The following TMEFF2 variants were observed in gnomAD, a reference collection of about 807,000 sequenced individuals.
The protein encoded by TMEFF2 is transmembrane protein with EGF like and two follistatin like domains 2, also known as tomoregulin-2.
In TMEFF2, 28 loss-of-function variants were observed where a neutral mutation model predicts 53.8. The ratio of observed to expected loss-of-function variants is 0.52; its 90% CI spans 0.39 to 0.71. The LOEUF (loss-of-function observed/expected upper bound fraction) is 0.71. TMEFF2 is among the 30% of genes least tolerant of loss of function. TMEFF2 has a pLI of 0.00. For synonymous variants in TMEFF2, 162 were observed against 166.3 expected (o/e 0.97, Z 0.20); for missense variants, 353 against 455.2 (o/e 0.78, Z 2.04).
At chr2:192,075,482 C>T (rs1002065633) in intron 4 of TMEFF2, among the ~76,000 whole-genome samples, 10 of 150,970 alleles carry the variant, frequency 6.6e-5, no homozygotes, top group African/African-American at 2.2e-4. Flanking sequence ...ACTTCATTTT[C>T]GGTGGCTAAA....
intron 5 of TMEFF2, among the ~76,000 whole-genome samples, chr2:192,017,993 T>C (rs1440073971): frequency 6.7e-6 from 1 of 149,902 alleles, no homozygotes; most frequent in East Asian, 2.1e-4. Flanking sequence ...CTTTCACCTC[T>C]TTACCCTCAC....
In TMEFF2 at chr2:192,084,137, A is replaced by G. The variant is rs149801032; in HGVS notation, c.440-26362T>C. On this transcript the variant is annotated intron_variant, in intron 4 of 9. Coordinates refer to ENST00000272771, the MANE Select transcript of TMEFF2 (RefSeq NM_016192.4). ...CACAACTCATCGTGGTAGAGATGGT[A>G]TTTGCAAACAGGTCCATCGGAACCC... Among the ~76,000 whole-genome samples the G allele has an allele frequency of 6.1e-4, 93 of 152,244 alleles. 1 individual carries two copies. In the East Asian group the frequency reaches 0.016, roughly 26 times the overall value.
chr2:192,152,530 A>G (rs1021851610), intron 4 of TMEFF2, among the ~76,000 whole-genome samples: 8 of 151,980 alleles, frequency 5.3e-5, no homozygotes, highest in African/African-American at 1.9e-4. Flanking sequence ...GCACAGTCAC[A>G]TTTATCAGAT....
intron 4 of TMEFF2, among the ~76,000 whole-genome samples, chr2:192,127,348 A>G (rs2105972724): frequency 6.6e-6 from 1 of 152,338 alleles, no homozygotes; most frequent in South Asian, 2.1e-4. Context: ...AGGCCACGTA[A>G]TTCATTGCTG....
At chr2:191,966,499 A>C (rs1001959310) in intron 7 of TMEFF2, among the ~76,000 whole-genome samples, 2 of 152,202 alleles carry the variant, frequency 1.3e-5, no homozygotes, top group Non-Finnish European at 2.9e-5. Flanking sequence ...TCATACCTCA[A>C]AAATCACAGT....
rs1179138546 is a variant in TMEFF2 at position 192,194,680 on chromosome 2, G to T, written c.-156C>A. The T allele has an allele frequency of 8.2e-6, 6 of 734,064 alleles. No individual in the cohort carries two copies. Among genetic ancestry groups the T allele is most frequent in the South Asian group, 6.9e-5 (4 of 57,772 alleles). 45.5% of individuals were successfully genotyped at this position (734,064 alleles called of 1,614,324 possible). The stretch of plus-strand genomic sequence containing the variant: ...GCGGGGAAGCAGCAGCCAAACCCGC[G>T]CATGATCTCGAGAGTTTCAGCAACA... On this transcript the variant is annotated 5_prime_UTR_variant, in exon 1 of 10. It introduces an in-frame stop codon into an upstream open reading frame of the 5' UTR. Coordinates refer to ENST00000272771, the MANE Select transcript of TMEFF2 (RefSeq NM_016192.4). This position sits in a 1 kb window ranked among gnomAD's most constrained non-coding sequence, Gnocchi z 4.2.
chr2:192,087,324 C>A (rs937045744), intron 4 of TMEFF2, among the ~76,000 whole-genome samples: 4 of 151,858 alleles, frequency 2.6e-5, no homozygotes, highest in Non-Finnish European at 5.9e-5. Context: ...GCCAGGGTTG[C>A]GGAAATCATA....
intron 4 of TMEFF2, among the ~76,000 whole-genome samples, chr2:192,087,841 T>C (rs1688701013): frequency 6.6e-6 from 1 of 152,174 alleles, no homozygotes; most frequent in South Asian, 2.1e-4. Flanking sequence ...AAAACCATAA[T>C]ATTATATATT....
chr2:191,964,319 C>CTTT lies in TMEFF2; in HGVS notation c.746-7942_746-7941insAAA, dbSNP rs1559063235. 6.0e-5 allele frequency among the ~76,000 whole-genome samples: 8 copies of CTTT among 133,810 alleles called. 1 individual carries two copies. Among genetic ancestry groups the CTTT allele is most frequent in the African/African-American group, 1.5e-4 (5 of 33,242 alleles). 87.8% of individuals were successfully genotyped at this position (133,810 alleles called of 152,430 possible). On this transcript the variant is annotated intron_variant, in intron 7 of 9. Coordinates refer to ENST00000272771, the MANE Select transcript of TMEFF2 (RefSeq NM_016192.4). ...TCCTTCTTTCCTTCTTTCTTTCCTT[C>CTTT]CTTCCTTTCTTTCCTTCTTTCTTTC...
chr2:192,126,323 C>A (rs1689678442), intron 4 of TMEFF2, among the ~76,000 whole-genome samples: 1 of 152,166 alleles, frequency 6.6e-6, no homozygotes. Flanking sequence ...CTTACCATTT[C>A]TTTTCTATGG....
chr2:192,176,144 T>C (rs1691036731), intron 4 of TMEFF2, among the ~76,000 whole-genome samples: 1 of 151,358 alleles, frequency 6.6e-6, no homozygotes, highest in Non-Finnish European at 1.5e-5. Context: ...AACTTCCATA[T>C]ATAAGTACCT....
chr2:191,986,705 A>G (rs1342585493), intron 7 of TMEFF2, among the ~76,000 whole-genome samples: 1 of 151,870 alleles, frequency 6.6e-6, no homozygotes, highest in Non-Finnish European at 1.5e-5. Context: ...TAAAAATACA[A>G]AAATTAGCCA....
intron 4 of TMEFF2, among the ~76,000 whole-genome samples, chr2:192,069,982 GTGTGTGTATATATATA>G (rs1295668767): frequency 5.8e-3 from 48 of 8,206 alleles, no homozygotes; most frequent in African/African-American, 0.013. Flanking sequence ...GTGTGTGTGT[GTGTGTGTATATATATA>G]TATATATATA....
chr2:192,110,681 C>T (rs556180442), intron 4 of TMEFF2, among the ~76,000 whole-genome samples: 5 of 152,194 alleles, frequency 3.3e-5, no homozygotes, highest in South Asian at 2.1e-4. Flanking sequence ...TCATTTATTG[C>T]TGTTTCTTTT....
At chr2:192,019,780 C>T (rs1686822009) in intron 5 of TMEFF2, among the ~76,000 whole-genome samples, 1 of 151,752 alleles carries the variant, frequency 6.6e-6, no homozygotes, top group Non-Finnish European at 1.5e-5. Context: ...CGCGGTTAAT[C>T]AAATAATTAG....
chr2:191,987,454 T>C (rs973514219), intron 7 of TMEFF2, among the ~76,000 whole-genome samples: 6 of 152,002 alleles, frequency 3.9e-5, no homozygotes, highest in African/African-American at 1.5e-4. Context: ...TTATCCAGGC[T>C]GGAGTGCAGT....
chr2:192,058,718 C>T (rs982231082), intron 4 of TMEFF2, among the ~76,000 whole-genome samples: 21 of 151,984 alleles, frequency 1.4e-4, no homozygotes, highest in African/African-American at 4.3e-4. Context: ...AACTAACTAC[C>T]GCATAGATAA....
At chr2:192,191,856 A>G in intron 2 of TMEFF2, 24 bp downstream of exon 2, 1 of 1,462,686 alleles carries the variant, frequency 6.8e-7, no homozygotes, top group East Asian at 2.3e-5. Flanking sequence ...ATGAATTAGA[A>G]GATGCAAATA....
chr2:192,116,745 C>T (rs1689422653), intron 4 of TMEFF2, among the ~76,000 whole-genome samples: 1 of 151,834 alleles, frequency 6.6e-6, no homozygotes, highest in Admixed American at 6.6e-5. Flanking sequence ...GATGTGAGAC[C>T]TATGTATTAG....
Sources: allele counts gnomAD v4.1 joint callset (sites outside exome capture counted in the v4.1 genomes callset), GRCh38; gene constraint gnomAD v4.1.1; non-coding constraint Gnocchi (gnomAD v3.1); transcripts MANE v1.5; gene names NCBI Gene and HGNC (gene_info 2026-07-23, HGNC 2026-07-21).